The following LAG3 variants were observed in gnomAD, a reference collection of about 807,000 sequenced individuals.
The protein encoded by LAG3 is lymphocyte activation gene 3 protein.
A neutral mutation model predicts 49.0 loss-of-function variants in LAG3; 29 were observed. That is an observed-to-expected ratio of 0.59 (90% CI 0.44 to 0.81). The LOEUF (loss-of-function observed/expected upper bound fraction) is 0.81. LAG3 is among the 30% of genes least tolerant of loss of function. LAG3 has a pLI of 0.00. For missense variants in LAG3, 693 were observed against 695.2 expected, an observed-to-expected ratio of 1.00 and a Z score of 0.04; for synonymous variants, 320 against 297.3, an observed-to-expected ratio of 1.08 and a Z score of -0.79.
At chr12:6,775,082 T>C (rs1941891350) in intron 4 of LAG3, among the ~76,000 whole-genome samples, 191 bp from the exon 5 acceptor site, 1 of 152,152 alleles carries the variant, frequency 6.6e-6, no homozygotes, top group Non-Finnish European at 1.5e-5. Context: ...ATTGCCGGCC[T>C]TCCCTCTCCT....
In LAG3 at chr12:6,774,681, G is replaced by A. The variant is rs1306862420; in HGVS notation, c.598G>A (p.Val200Met). The A allele has an allele frequency of 1.9e-6, 3 of 1,614,202 alleles. No individual in the cohort carries two copies. Among genetic ancestry groups the A allele is most frequent in the Non-Finnish European group, 8.5e-7 (1 of 1,180,028 alleles). Residue 200 changes from valine to methionine, a missense_variant, in exon 4 of 8, where the codon GTG becomes ATG. Transcript: ENST00000203629. ...CAGCCGCCCTGACCGCCCAGCCTCT[G>A]TGCATTGGTTCCGGAACCGGGGCCA... ...SFSRPDRPASVHWFRNRGQGR... is the reference protein window; with the variant it reads ...SFSRPDRPASMHWFRNRGQGR...
At chr12:6,778,108 G>C in intron 7 of LAG3, 136 bp from the exon 8 acceptor site, 3 of 1,302,096 alleles carry the variant, frequency 2.3e-6, no homozygotes, top group South Asian at 2.5e-5. Flanking sequence ...AAGGGGGGTT[G>C]GGAGAAAGCC....
In LAG3 at chr12:6,773,800, G is replaced by T. The variant is rs758045782; in HGVS notation, c.310G>T (p.Val104Leu). The change falls in exon 3 of 8, where the codon GTG (valine) becomes TTG (leucine). Residue 104 changes from valine (V) to leucine (L), a missense_variant. Val to Leu is a conservative substitution (Grantham distance 32). Coordinates refer to ENST00000203629, the MANE Select transcript of LAG3 (RefSeq NM_002286.6). The surrounding 1 kb of genome is among the most constrained non-coding windows in gnomAD (Gnocchi z 5.5). Reference protein sequence around the residue: ...PRPRRYTVLSVGPGGLRSGRL... With the variant: ...PRPRRYTVLSLGPGGLRSGRL... ...GCCCCGCCGCTACACGGTGCTGAGC[G>T]TGGGTCCCGGAGGCCTGCGCAGCGG... The T allele has an allele frequency of 2.8e-5, 39 of 1,396,258 alleles. No homozygotes were observed. Among genetic ancestry groups the T allele is most frequent in the Admixed American group, 3.4e-5 (1 of 29,514 alleles). The allele number at this position is 1,396,258 out of a possible 1,614,324, so 86.5% of individuals were successfully genotyped here.
Position 6,774,011 on chromosome 12 carries a change from G to A in LAG3, c.511+10G>A, listed in dbSNP as rs762700093. ...CTGGGCCAGGCCTCGAGTATGTGGG[G>A]CGGGACGATGGGAGAAGGGCTGGGA... On this transcript the variant is annotated intron_variant, in intron 3 of 7. Coordinates refer to ENST00000203629, the MANE Select transcript of LAG3 (RefSeq NM_002286.6). 6.1e-5 allele frequency: 86 copies of A among 1,404,650 alleles called. No individual in the cohort carries two copies. Among genetic ancestry groups the A allele is most frequent in the African/African-American group, 4.9e-4 (32 of 65,960 alleles). The allele number at this position is 1,404,650 out of a possible 1,614,324, so 87.0% of individuals were successfully genotyped here.
At position 6,773,395 on chromosome 12, in the gene LAG3, C is replaced by T; in HGVS notation, c.206+56C>T. 1 of 1,594,848 alleles carries T rather than the reference C, an allele frequency of 6.3e-7. No individual in the cohort carries two copies. The highest frequency in any genetic ancestry group is 8.5e-7 in the Non-Finnish European group (1 of 1,169,838). Reference sequence around the variant, plus strand: ...TCCGAATCCAGCACTCAACCCCACACCCGTGCCGGTCCTCTGTCCCCTGCC... The same window carrying T: ...TCCGAATCCAGCACTCAACCCCACATCCGTGCCGGTCCTCTGTCCCCTGCC... On this transcript the variant is annotated intron_variant, in intron 2 of 7. Transcript: ENST00000203629. This position sits in a 1 kb window ranked among gnomAD's most constrained non-coding sequence, Gnocchi z 5.5.
chr12:6,774,581 T>C lies in LAG3; in HGVS notation c.512-14T>C, dbSNP rs780820794. The C allele has an allele frequency of 6.2e-7, 1 of 1,608,724 alleles. No individual in the cohort carries two copies. Among genetic ancestry groups the C allele is most frequent in the East Asian group, 2.2e-5 (1 of 44,794 alleles). On this transcript the variant is annotated splice_polypyrimidine_tract_variant and intron_variant, in intron 3 of 7. Transcript: ENST00000203629. ...TTCCAGTGGGCTGATGAAGTCTTCT[T>C]TATCCTTGCACAGTGACTGCCAGCC... is the stretch of plus-strand genomic sequence containing the variant.
chr12:6,775,886 A>G (rs1443586950), intron 5 of LAG3, among the ~76,000 whole-genome samples: 1 of 152,218 alleles, frequency 6.6e-6, no homozygotes, highest in Non-Finnish European at 1.5e-5. Context: ...ATCCTTGTCT[A>G]CTTTGCAGCC....
At position 6,777,785 on chromosome 12, in the gene LAG3, C is replaced by T. The variant is rs746639056; in HGVS notation, c.1301-6C>T. On this transcript the variant is annotated splice_polypyrimidine_tract_variant and splice_region_variant and intron_variant, in intron 6 of 7. Transcript: ENST00000203629. ...CCCTATGCCTCATCCTGTACTTTCTCCATAGGTGCCCAACGCTCTGGGAGA... is the reference window on the plus strand; with the variant it reads ...CCCTATGCCTCATCCTGTACTTTCTTCATAGGTGCCCAACGCTCTGGGAGA... 7 of 1,613,924 alleles carry T rather than the reference C, an allele frequency of 4.3e-6. No individual in the cohort carries two copies. The East Asian group carries it at 1.1e-4, about 26-fold the overall frequency.
rs753289912 is a variant in LAG3, at chr12:6,778,242, A to G, written c.1432-2A>G. 6.3e-7 allele frequency: 1 copy of G among 1,579,528 alleles called. No individual in the cohort carries two copies. The highest frequency in any genetic ancestry group is 8.6e-7 in the Non-Finnish European group (1 of 1,162,654). On this transcript the variant is annotated splice_acceptor_variant, in intron 7 of 7. Coordinates refer to ENST00000203629, the MANE Select transcript of LAG3 (RefSeq NM_002286.6). LOFTEE classifies it high-confidence loss of function. ...CGTCTCTCTCTCCATCTCTTCTCAC[A>G]GTGGCGACCAAGACGATTTTCTGCC...
intron 4 of LAG3, among the ~76,000 whole-genome samples, 167 bp downstream of exon 4, chr12:6,775,031 G>A (rs1284420666): frequency 6.6e-6 from 1 of 152,108 alleles, no homozygotes; most frequent in Non-Finnish European, 1.5e-5. Flanking sequence ...CCTCACAGCT[G>A]CCATCACCCC....
Position 6,773,063 on chromosome 12 carries a change from G to T in LAG3, c.59-129G>T. ...CCTTCCACCCCGAAAGCCTCTCTGGGCAGAGAAGAAACAGAAACCCAAGTT... is the reference window on the plus strand; with the variant it reads ...CCTTCCACCCCGAAAGCCTCTCTGGTCAGAGAAGAAACAGAAACCCAAGTT... On this transcript the variant is annotated intron_variant, in intron 1 of 7. Transcript: ENST00000203629. The surrounding 1 kb of genome is among the most constrained non-coding windows in gnomAD (Gnocchi z 5.5). 1 of 1,384,938 alleles carries T rather than the reference G, an allele frequency of 7.2e-7. No homozygotes were observed. Among genetic ancestry groups the T allele is most frequent in the Non-Finnish European group, 9.9e-7 (1 of 1,005,638 alleles). The allele number at this position is 1,384,938 out of a possible 1,614,324, so 85.8% of individuals were successfully genotyped here.
chr12:6,774,202 T>C (rs759511364), intron 3 of LAG3, among the ~76,000 whole-genome samples: 63 of 151,660 alleles, frequency 4.2e-4, no homozygotes, highest in Non-Finnish European at 8.0e-4. Flanking sequence ...TGTGGAGAGA[T>C]TGTGTCACCC....
rs779942686 is a variant in LAG3 at position 6,778,339 on chromosome 12, G to GCCGGAGCCGGAA, written c.1536_1547dup (p.Glu519_Pro522dup). 1.9e-6 allele frequency: 3 copies of GCCGGAGCCGGAA among 1,613,066 alleles called. No homozygotes were observed. Among genetic ancestry groups the GCCGGAGCCGGAA allele is most frequent in the South Asian group, 1.1e-5 (1 of 91,076 alleles). On this transcript the variant is annotated inframe_insertion, in exon 8 of 8. Coordinates refer to ENST00000203629, the MANE Select transcript of LAG3 (RefSeq NM_002286.6). Reference sequence around the variant, plus strand: ...AGCTGGAGCAAGAACCGGAGCCGGAGCCGGAGCCGGAACCGGAGCCCGAGC... The same window carrying GCCGGAGCCGGAA: ...AGCTGGAGCAAGAACCGGAGCCGGAGCCGGAGCCGGAACCGGAGCCGGAACCGGAGCCCGAGC...
At position 6,774,734 on chromosome 12, in the gene LAG3, C is replaced by T. The variant is rs547572877; in HGVS notation, c.651C>T (p.Pro217=). ...GQGRVPVRES[P]HHHLAESFLF... is the part of the protein sequence containing the mutation. ...GCCGAGTCCCTGTCCGGGAGTCCCCCCATCACCACTTAGCGGAAAGCTTCC... is the reference window on the plus strand; with the variant it reads ...GCCGAGTCCCTGTCCGGGAGTCCCCTCATCACCACTTAGCGGAAAGCTTCC... Residue 217 remains proline (P), a synonymous_variant, in exon 4 of 8, where the codon CCC becomes CCT. Coordinates refer to ENST00000203629, the MANE Select transcript of LAG3 (RefSeq NM_002286.6). The T allele has an allele frequency of 4.3e-6, 7 of 1,614,206 alleles. No homozygotes were observed. The highest frequency in any genetic ancestry group is 3.3e-5 in the Admixed American group (2 of 60,024).
rs368197301 is a variant in LAG3, at chr12:6,777,330, C to T, written c.1124C>T (p.Ser375Phe). The T allele has an allele frequency of 5.0e-6, 8 of 1,614,118 alleles. No homozygotes were observed. Among genetic ancestry groups the T allele is most frequent in the Non-Finnish European group, 6.8e-6 (8 of 1,180,046 alleles). Reference protein sequence around the residue: ...GKLLCEVTPVSGQERFVWSSL... With the variant: ...GKLLCEVTPVFGQERFVWSSL... The stretch of plus-strand genomic sequence containing the variant: ...CTGCTTTGTGAGGTGACTCCAGTAT[C>T]TGGACAAGAACGCTTTGTGTGGAGC... Residue 375 changes from serine (S) to phenylalanine (F), a missense_variant, in exon 6 of 8, where the codon TCT (serine) becomes TTT (phenylalanine). Coordinates refer to ENST00000203629, the MANE Select transcript of LAG3 (RefSeq NM_002286.6).
At position 6,773,677 on chromosome 12, in the gene LAG3, C is replaced by T. The variant is rs757864005; in HGVS notation, c.207-20C>T. 3 of 1,366,034 alleles carry T rather than the reference C, an allele frequency of 2.2e-6. No individual in the cohort carries two copies. The highest frequency in any genetic ancestry group is 2.8e-6 in the Non-Finnish European group (3 of 1,066,838). The allele number at this position is 1,366,034 out of a possible 1,614,324, so 84.6% of individuals were successfully genotyped here. On this transcript the variant is annotated intron_variant, in intron 2 of 7. Transcript: ENST00000203629. This position sits in a 1 kb window ranked among gnomAD's most constrained non-coding sequence, Gnocchi z 5.5. ...TTCCTACCCCTGGAGCTTCTCAACT[C>T]CATTCTCTTTCCCGCCCAGTGGCCC...
chr12:6,774,467 T>C, intron 3 of LAG3, 128 bp from the exon 4 acceptor site: 3 of 1,019,076 alleles, frequency 2.9e-6, no homozygotes, highest in African/African-American at 3.2e-5. Flanking sequence ...GGGGAGAGGG[T>C]GATGTGGGAG....
chr12:6,777,409 G>A lies in LAG3; in HGVS notation c.1203G>A (p.Gln401=). ...TCTCAGGACCTTGGCTGGAGGCACA[G>A]GAGGCCCAGCTCCTTTCCCAGCCTT... The part of the protein sequence containing the change: ...RSFSGPWLEA[Q]EAQLLSQPWQ... The change falls in exon 6 of 8, where the codon CAG becomes CAA. Residue 401 remains glutamine (Q), a synonymous_variant. Transcript: ENST00000203629. 6.2e-7 allele frequency: 1 copy of A among 1,614,234 alleles called. No individual in the cohort carries two copies. The highest frequency in any genetic ancestry group is 8.5e-7 in the Non-Finnish European group (1 of 1,180,042).
Position 6,773,893 on chromosome 12 carries a change from T to C in LAG3, c.403T>C (p.Trp135Arg). Residue 135 changes from tryptophan to arginine, a missense_variant, in exon 3 of 8, where the codon TGG (tryptophan) becomes CGG (arginine). Trp to Arg is a moderately radical substitution (Grantham distance 101, BLOSUM62 -3). Coordinates refer to ENST00000203629, the MANE Select transcript of LAG3 (RefSeq NM_002286.6). The surrounding 1 kb of genome is among the most constrained non-coding windows in gnomAD (Gnocchi z 5.5). ...RGRQRGDFSLWLRPARRADAG... is the reference protein window; with the variant it reads ...RGRQRGDFSLRLRPARRADAG... Reference sequence around the variant, plus strand: ...CCGGCAGCGCGGGGACTTCTCGCTATGGCTGCGCCCAGCCCGGCGCGCGGA... The same window carrying C: ...CCGGCAGCGCGGGGACTTCTCGCTACGGCTGCGCCCAGCCCGGCGCGCGGA... The C allele has an allele frequency of 1.4e-6, 2 of 1,394,090 alleles. No homozygotes were observed. The highest frequency in any genetic ancestry group is 1.8e-6 in the Non-Finnish European group (2 of 1,082,002). 86.4% of individuals were successfully genotyped at this position (1,394,090 alleles called of 1,614,324 possible). A position where few individuals can be genotyped will look rare whatever the true frequency, so the allele number is the denominator to read the frequency against.
Sources: allele counts gnomAD v4.1 joint callset (sites outside exome capture counted in the v4.1 genomes callset), GRCh38; gene constraint gnomAD v4.1.1; non-coding constraint Gnocchi (gnomAD v3.1); transcripts MANE v1.5; gene names NCBI Gene and HGNC (gene_info 2026-07-23, HGNC 2026-07-21).